Variants in SSH1 observed in about 807,000 individuals in gnomAD.
The protein encoded by SSH1 is protein phosphatase Slingshot homolog 1.
A neutral mutation model predicts 79.7 loss-of-function variants in SSH1; 43 were observed. The observed-to-expected ratio is 0.54, with a 90% confidence interval of 0.42 to 0.70. The LOEUF (loss-of-function observed/expected upper bound fraction) is 0.70. Among genes scored for constraint, SSH1 ranks in the 30% least tolerant of loss-of-function variants. The pLI is 0.00. For missense variants in SSH1, 1,206 were observed against 1,358.8 expected, an observed-to-expected ratio of 0.89 and a Z score of 1.77; for synonymous variants, 599 against 538.3, an observed-to-expected ratio of 1.11 and a Z score of -1.56.
chr12:108,795,618 G>T (rs1252604155), intron 13 of SSH1, among the ~76,000 whole-genome samples: 1 of 151,966 alleles, frequency 6.6e-6, no homozygotes, highest in African/African-American at 2.4e-5. Context: ...CACTTTGGAA[G>T]GCTGAGGTGG....
rs1252419595 is a variant in SSH1, at chr12:108,781,315, T to C, written c.*6673A>G. The C allele has an allele frequency of 6.6e-6, 1 of 152,096 alleles. No homozygotes were observed. Among genetic ancestry groups the C allele is most frequent in the Admixed American group, 6.6e-5 (1 of 15,262 alleles). The allele number at this position is 152,096 out of a possible 1,614,324, so 9.4% of individuals were successfully genotyped here. The stretch of plus-strand genomic sequence containing the variant: ...AGTGTGTGGCTCTGGTCCCAGCTAC[T>C]TGGGAGGCTGAGGCAGGATTGCTGG... On this transcript the variant is annotated 3_prime_UTR_variant, in exon 15 of 15. Transcript: ENST00000326495.
Position 108,792,814 on chromosome 12 carries a change from G to C in SSH1, c.1365C>G (p.Asn455Lys). Reference sequence around the variant, plus strand: ...TGTCTGTCTGCTGACGCCACAGCTTGTTGTGCCGCTGTTTGCTGCGGGGAG... The same window carrying C: ...TGTCTGTCTGCTGACGCCACAGCTTCTTGTGCCGCTGTTTGCTGCGGGGAG... ...GILDASKQRH[N>K]KLWRQQTDSS... Residue 455 changes from asparagine to lysine, a missense_variant, in exon 14 of 15, where the codon AAC (asparagine) becomes AAG (lysine). By Grantham distance (94) the Asn-to-Lys change is moderately conservative (BLOSUM62 0). Around this residue, in one of 5 missense-constraint regions of SSH1, gnomAD observed 166 missense variants for 262.9 expected, o/e 0.63. Coordinates refer to ENST00000326495, the MANE Select transcript of SSH1 (RefSeq NM_018984.4). 1.2e-6 allele frequency: 2 copies of C among 1,613,702 alleles called. No individual in the cohort carries two copies. The highest frequency in any genetic ancestry group is 1.7e-6 in the Non-Finnish European group (2 of 1,180,030).
intron 4 of SSH1, 68 bp downstream of exon 4, chr12:108,818,181 G>A (rs1297472794): frequency 7.6e-7 from 1 of 1,316,074 alleles, no homozygotes; most frequent in Non-Finnish European, 1.1e-6. Context: ...CTGGGCAACA[G>A]AGCAAGACCC....
In SSH1 at chr12:108,787,450, G is replaced by A. The variant is rs930128919; in HGVS notation, c.*538C>T. 3 of 157,630 alleles carry A rather than the reference G, an allele frequency of 1.9e-5. No individual in the cohort carries two copies. Among genetic ancestry groups the A allele is most frequent in the Admixed American group, 6.1e-5 (1 of 16,274 alleles). The allele number at this position is 157,630 out of a possible 1,614,324, so 9.8% of individuals were successfully genotyped here. A position where few individuals can be genotyped will look rare whatever the true frequency, so the allele number is the denominator to read the frequency against. On this transcript the variant is annotated 3_prime_UTR_variant, in exon 15 of 15. Coordinates refer to ENST00000326495, the MANE Select transcript of SSH1 (RefSeq NM_018984.4). ...TGGGGTCCCAACCAAAACACAAAAC[G>A]AAAAATTCTTTTTTTGGAAAAACGC...
intron 13 of SSH1, among the ~76,000 whole-genome samples, chr12:108,796,249 C>T (rs556271638): frequency 6.6e-6 from 1 of 152,300 alleles, no homozygotes; most frequent in African/African-American, 2.4e-5. Context: ...ACATTAAATA[C>T]ATTCATAATG....
Position 108,792,653 on chromosome 12 carries a change from C to T in SSH1, c.1526G>A (p.Cys509Tyr). ...GGGGTCTGAGAGTCGCCGGAAACAG[C>T]AGGGGAGGGGGGGCCCTAAGCCGGG... ...AQPGLGPPLPCCFRRLSDPLL... is the reference protein window; with the variant it reads ...AQPGLGPPLPYCFRRLSDPLL... Residue 509 changes from cysteine to tyrosine, a missense_variant, in exon 14 of 15, where the codon TGC becomes TAC. Physicochemically the swap from Cys to Tyr is radical, Grantham distance 194. Transcript: ENST00000326495. 1 of 1,611,680 alleles carries T rather than the reference C, an allele frequency of 6.2e-7. No individual in the cohort carries two copies. Among genetic ancestry groups the T allele is most frequent in the Non-Finnish European group, 8.5e-7 (1 of 1,179,780 alleles).
Position 108,802,690 on chromosome 12 carries a change from T to A in SSH1, c.955-322A>T, listed in dbSNP as rs530888215. Reference sequence around the variant, plus strand: ...TTCCTAAGAGTCCAGTGGGGGGGGGTCCTGTAAGCAGAGGCAATGACCTGC... The same window carrying A: ...TTCCTAAGAGTCCAGTGGGGGGGGGACCTGTAAGCAGAGGCAATGACCTGC... On this transcript the variant is annotated intron_variant, in intron 10 of 14. Coordinates refer to ENST00000326495, the MANE Select transcript of SSH1 (RefSeq NM_018984.4). 4.7e-4 allele frequency among the ~76,000 whole-genome samples: 70 copies of A among 149,000 alleles called. No individual in the cohort carries two copies. In the South Asian group the frequency reaches 0.012, roughly 25 times the overall value.
chr12:108,789,004 G>C lies in SSH1; in HGVS notation c.2134C>G (p.Pro712Ala). Residue 712 changes from proline (P) to alanine (A), a missense_variant, in exon 15 of 15, where the codon CCC becomes GCC. Transcript: ENST00000326495. ...EKPASGPTEP[P>A]PFLPPAGSRR... The stretch of plus-strand genomic sequence containing the variant: ...GAGCCTGCTGGTGGTAGGAACGGGG[G>C]AGGTTCGGTTGGGCCAGAGGCTGGC... 6.2e-7 allele frequency: 1 copy of C among 1,609,844 alleles called. No individual in the cohort carries two copies. Among genetic ancestry groups the C allele is most frequent in the Non-Finnish European group, 8.5e-7 (1 of 1,177,282 alleles).
chr12:108,800,979 A>C, intron 11 of SSH1, 53 bp from the exon 12 acceptor site: 3 of 1,546,084 alleles, frequency 1.9e-6, no homozygotes, highest in Non-Finnish European at 2.7e-6. Flanking sequence ...ATGAGAAAGA[A>C]AAGCAAGGTA....
chr12:108,825,149 G>C (rs1312490036), intron 2 of SSH1, among the ~76,000 whole-genome samples: 2 of 152,050 alleles, frequency 1.3e-5, no homozygotes, highest in Non-Finnish European at 2.9e-5. Context: ...TTTCGCTCTT[G>C]AACAACCAAT....
At chr12:108,821,334 C>A (rs1447930271) in intron 3 of SSH1, among the ~76,000 whole-genome samples, 1 of 151,526 alleles carries the variant, frequency 6.6e-6, no homozygotes, top group African/African-American at 2.4e-5. Flanking sequence ...GTCGAGGCTG[C>A]AGTGAGCTAT....
rs2136955656 is a variant in SSH1 at position 108,788,320 on chromosome 12, T to C, written c.2818A>G (p.Ser940Gly). The stretch of plus-strand genomic sequence containing the variant: ...GGCTTCCCACGGACACTGTGGATGC[T>C]ATCGCTGCTGGAGCTCCGGGTCAGG... ...SNLTRSSSSDSIHSVRGKPGL... is the reference protein window; with the variant it reads ...SNLTRSSSSDGIHSVRGKPGL... The change falls in exon 15 of 15, where the codon AGC becomes GGC. Residue 940 changes from serine (S) to glycine (G), a missense_variant. Transcript: ENST00000326495. 1 of 1,613,388 alleles carries C rather than the reference T, an allele frequency of 6.2e-7. No individual in the cohort carries two copies. The highest frequency in any genetic ancestry group is 2.2e-5 in the East Asian group (1 of 44,870).
chr12:108,827,797 A>AACGGTG (rs1358519761), intron 2 of SSH1, among the ~76,000 whole-genome samples: 3 of 152,200 alleles, frequency 2.0e-5, no homozygotes, highest in African/African-American at 4.8e-5. Context: ...CCATTTACCC[A>AACGGTG]ACGGTGACGG....
At chr12:108,794,326 G>A (rs750938822) in intron 13 of SSH1, among the ~76,000 whole-genome samples, 8 of 152,192 alleles carry the variant, frequency 5.3e-5, no homozygotes, top group Non-Finnish European at 8.8e-5. Flanking sequence ...CCACCACCCC[G>A]TGTGGGTGAC....
At chr12:108,849,544 C>A (rs1593133217) in intron 2 of SSH1, among the ~76,000 whole-genome samples, 1 of 152,024 alleles carries the variant, frequency 6.6e-6, no homozygotes, top group South Asian at 2.1e-4. Flanking sequence ...ACAACAAAGA[C>A]CCTGTCTCTA....
intron 11 of SSH1, among the ~76,000 whole-genome samples, chr12:108,801,210 G>A (rs192679356): frequency 1.1e-4 from 17 of 152,070 alleles, no homozygotes; most frequent in Admixed American, 1.0e-3. Flanking sequence ...TTAAATATAC[G>A]TATTACTTAA....
chr12:108,799,692 A>T (rs978351142), intron 12 of SSH1, among the ~76,000 whole-genome samples: 2 of 152,146 alleles, frequency 1.3e-5, no homozygotes, highest in South Asian at 2.1e-4. Flanking sequence ...CCCTGGGGAG[A>T]GCGAGATGCT....
chr12:108,817,268 G>T (rs767807533), intron 4 of SSH1, 109 bp from the exon 5 acceptor site: 8 of 1,512,068 alleles, frequency 5.3e-6, no homozygotes, highest in Middle Eastern at 1.7e-4. Flanking sequence ...CCCTCTGGGA[G>T]TTAAAAATGA....
In SSH1 at chr12:108,783,778, A is replaced by C. The variant is rs549169236; in HGVS notation, c.*4210T>G. 6.6e-6 allele frequency: 1 copy of C among 152,380 alleles called. No individual in the cohort carries two copies. Among genetic ancestry groups the C allele is most frequent in the African/African-American group, 2.4e-5 (1 of 41,576 alleles). 9.4% of individuals were successfully genotyped at this position (152,380 alleles called of 1,614,324 possible). ...GCAGAGTGAACTCAAACACACAGGC[A>C]TTCCACTGCAGAGCAGATGATAACA... On this transcript the variant is annotated 3_prime_UTR_variant, in exon 15 of 15. Transcript: ENST00000326495.
Sources: gnomAD v4.1 joint callset for allele counts (sites outside exome capture counted in the v4.1 genomes callset) on GRCh38, gnomAD v4.1.1 for gene constraint, gnomAD v4.1.1 regional missense constraint, MANE v1.5 for transcripts, NCBI Gene and HGNC (gene_info 2026-07-23, HGNC 2026-07-21) for gene names.